SEMA4G: variants seen among roughly 807,000 people sequenced by gnomAD.
The protein encoded by SEMA4G is semaphorin-4G.
SEMA4G carries 59 observed loss-of-function variants against 81.2 expected under a neutral mutation model. That is an observed-to-expected ratio of 0.73 (90% CI 0.59 to 0.90). The LOEUF is 0.90. Ranked by LOEUF, SEMA4G falls within the 40% of genes least tolerant of loss-of-function variation. SEMA4G has a pLI of 0.00. For synonymous variants in SEMA4G, 404 were observed against 433.9 expected (o/e 0.93, Z 0.86); for missense variants, 952 against 1,102.3 (o/e 0.86, Z 1.93).
chr10:100,983,534 C>T lies in SEMA4G; in HGVS notation c.1920C>T (p.Arg640=), dbSNP rs777395006. Residue 640 remains arginine (R), a synonymous_variant, in exon 14 of 14, where the codon CGC becomes CGT. Coordinates refer to ENST00000370250, the Ensembl canonical transcript of SEMA4G. Reference sequence around the variant, plus strand: ...GCTATGCCGAGGAAAATGGCCTCCGCACCCTGCTGGCCTCCTATAGTCTCA... The same window carrying T: ...GCTATGCCGAGGAAAATGGCCTCCGTACCCTGCTGGCCTCCTATAGTCTCA... 12 of 1,614,050 alleles carry T rather than the reference C, an allele frequency of 7.4e-6. No homozygotes were observed. In the Admixed American group the frequency reaches 2.0e-4, roughly 27 times the overall value.
At chr10:100,985,260 G>A (rs751801892), downstream of SEMA4G, 6 of 198,794 alleles carry the variant, frequency 3.0e-5, no homozygotes, top group African/African-American at 6.9e-5. Context: ...GAGTTTGGAC[G>A]CTTAGCTCCT....
chr10:100,979,805 G>T, intron 8 of SEMA4G, 43 bp from the exon 10 acceptor site: 3 of 1,606,652 alleles, frequency 1.9e-6, no homozygotes, highest in South Asian at 2.2e-5. Flanking sequence ...GGGCAGGCTT[G>T]ACTCCATGTA....
At chr10:100,983,675 C>G in exon 14 of SEMA4G, 1 of 1,613,396 alleles carries the variant, frequency 6.2e-7, no homozygotes, top group Non-Finnish European at 8.5e-7. Flanking sequence ...TTGGTGGCCT[C>G]TGCCTCATCC....
intron 3 of SEMA4G, among the ~76,000 whole-genome samples, chr10:100,975,941 C>T (rs1338966606): frequency 6.6e-6 from 1 of 152,120 alleles, no homozygotes; most frequent in Non-Finnish European, 1.5e-5. Context: ...CTTGGGGAAA[C>T]ATCACTTTAG....
At chr10:100,984,477 C>T in exon 14 of SEMA4G, 3 of 1,530,612 alleles carry the variant, frequency 2.0e-6, no homozygotes, top group Non-Finnish European at 2.6e-6. Flanking sequence ...CAAACCCTTT[C>T]TCTTTCTCCC....
At chr10:100,977,412 T>C (rs762626601) in intron 3 of SEMA4G, among the ~76,000 whole-genome samples, 30 of 152,216 alleles carry the variant, frequency 2.0e-4, no homozygotes, top group Non-Finnish European at 3.4e-4. Flanking sequence ...TGGTGTCAGG[T>C]AATCTGAGGG....
rs149116714 is a variant in SEMA4G at position 100,980,236 on chromosome 10, C to A, written c.1243C>A (p.Arg415Ser). 801 of 1,614,260 alleles carry A rather than the reference C, an allele frequency of 5.0e-4. 12 individuals carry two copies. In the East Asian group the frequency reaches 0.017, roughly 35 times the overall value. The stretch of plus-strand genomic sequence containing the variant: ...GATGGCTCGGCCCGTTGTGCCCACA[C>A]GTGGACGGCCCCTGCTGCTCAAGCG... Residue 415 changes from arginine (R) to serine (S), a missense_variant, in exon 10 of 14, where the codon CGT becomes AGT. Around this residue, in one of 3 missense-constraint regions of SEMA4G, gnomAD observed 131 missense variants for 200.7 expected, o/e 0.65. Coordinates refer to ENST00000370250, the Ensembl canonical transcript of SEMA4G.
chr10:100,970,925 T>A (rs1199227798), upstream of SEMA4G, among the ~76,000 whole-genome samples: 1 of 152,186 alleles, frequency 6.6e-6, no homozygotes, highest in African/African-American at 2.4e-5. Context: ...TGTGGGTTTA[T>A]CTCTCCTCAA....
upstream of SEMA4G, among the ~76,000 whole-genome samples, chr10:100,970,159 G>C (rs1211906404): frequency 6.6e-6 from 1 of 152,146 alleles, no homozygotes; most frequent in Non-Finnish European, 1.5e-5. Flanking sequence ...AGATCTAATA[G>C]AGGAAAGGTG....
At chr10:100,984,655 A>G (rs1330576370) in exon 14 of SEMA4G, 1 of 1,535,928 alleles carries the variant, frequency 6.5e-7, no homozygotes, top group Non-Finnish European at 8.7e-7. Context: ...CAGTGCCCCC[A>G]CCCTCACCTT....
rs376969087 is a variant in SEMA4G at position 100,979,935 on chromosome 10, T to C, written c.1071T>C (p.Asp357=). Residue 357 remains aspartate, a synonymous_variant, in exon 9 of 14, where the codon GAT becomes GAC. Coordinates refer to ENST00000370250, the Ensembl canonical transcript of SEMA4G. The stretch of plus-strand genomic sequence containing the variant: ...CAGGACCCTATATGGAATACCAGGA[T>C]GGTTCCCGGCGCTGGGGTCGCTATG... 16 of 1,614,068 alleles carry C rather than the reference T, an allele frequency of 9.9e-6. No homozygotes were observed. In the African/African-American group the frequency reaches 1.9e-4, roughly 19 times the overall value.
chr10:100,983,706 G>A (rs1210510722), exon 14 of SEMA4G: 11 of 1,613,472 alleles, frequency 6.8e-6, no homozygotes, highest in Non-Finnish European at 9.3e-6. Context: ...CCTCCTCTAT[G>A]TGGCCTGTCT....
exon 1 of SEMA4G, chr10:100,972,858 A>C (rs1052574006): frequency 1.0e-5 from 16 of 1,563,940 alleles, no homozygotes; most frequent in Non-Finnish European, 1.3e-5. Flanking sequence ...CGCCCCCACA[A>C]CCTGTGACTC....
chr10:100,976,457 C>G (rs1464966597), intron 3 of SEMA4G, among the ~76,000 whole-genome samples: 3 of 152,176 alleles, frequency 2.0e-5, no homozygotes, highest in Non-Finnish European at 4.4e-5. Flanking sequence ...AAACAATTCT[C>G]TTGCCTAAGC....
At chr10:100,980,163 C>G (rs1210217429) in exon 10 of SEMA4G, 1 of 1,614,124 alleles carries the variant, frequency 6.2e-7, no homozygotes, top group Non-Finnish European at 8.5e-7. Flanking sequence ...ACAATTCATC[C>G]CAAGACTTGC....
chr10:100,981,015 G>A lies in SEMA4G; in HGVS notation c.1628+33G>A, dbSNP rs1851044787. ...GGAAGCAGGTGGGAAGTGGTGGGGG[G>A]TGACAGTCACATGTGGTCTGAGTGG... On this transcript the variant is annotated intron_variant, in intron 12 of 13. Transcript: ENST00000370250. 6 of 1,593,110 alleles carry A rather than the reference G, an allele frequency of 3.8e-6. No homozygotes were observed. The highest frequency in any genetic ancestry group is 5.1e-6 in the Non-Finnish European group (6 of 1,170,220).
intron 13 of SEMA4G, 45 bp from the exon 15 acceptor site, chr10:100,983,260 C>T (rs1419659284): frequency 6.8e-7 from 1 of 1,471,930 alleles, no homozygotes; most frequent in Non-Finnish European, 9.0e-7. Flanking sequence ...TCTCTAATCC[C>T]TTCCTGGGAC....
intron 10 of SEMA4G, 105 bp from the exon 12 acceptor site, chr10:100,980,473 T>C (rs1184780129): frequency 7.5e-7 from 1 of 1,340,526 alleles, no homozygotes; most frequent in Admixed American, 1.7e-5. Flanking sequence ...GCTGAGTCCT[T>C]GTTCTGGACC....
At chr10:100,970,045 C>G (rs927667453), upstream of SEMA4G, 1 of 370,484 alleles carries the variant, frequency 2.7e-6, no homozygotes, top group African/African-American at 2.1e-5. Flanking sequence ...AGGGAAATAC[C>G]GCCTACACTA....
Sources: gnomAD v4.1 joint callset for allele counts (sites outside exome capture counted in the v4.1 genomes callset) on GRCh38, gnomAD v4.1.1 for gene constraint, gnomAD v4.1.1 regional missense constraint, MANE v1.5 for transcripts, NCBI Gene and HGNC (gene_info 2026-07-23, HGNC 2026-07-21) for gene names.